Variants in COL25A1 observed in about 807,000 individuals in gnomAD.
The protein encoded by COL25A1 is collagen alpha-1(XXV) chain.
COL25A1 carries 103 observed loss-of-function variants against 128.4 expected under a neutral mutation model. The ratio of observed to expected loss-of-function variants is 0.80; its 90% CI spans 0.68 to 0.94. The LOEUF is 0.94. Ranked by LOEUF, COL25A1 falls within the 40% of genes least tolerant of loss-of-function variation. The probability of loss-of-function intolerance (pLI) is 0.00; values close to 1 mark genes in which losing one functional copy is unlikely to be tolerated. For missense variants in COL25A1, 745 were observed against 840.0 expected (o/e 0.89, Z 1.40); for synonymous variants, 279 against 277.2 (o/e 1.01, Z -0.06).
chr4:109,027,440 T>A (rs1179507630), intron 5 of COL25A1, among the ~76,000 whole-genome samples: 1 of 107,318 alleles, frequency 9.3e-6, no homozygotes, highest in African/African-American at 5.9e-5. Context: ...AGGGAGGAGA[T>A]CAGAGAGACT....
At chr4:108,961,916 A>G (rs1750754149) in intron 8 of COL25A1, among the ~76,000 whole-genome samples, 2 of 152,206 alleles carry the variant, frequency 1.3e-5, no homozygotes, top group African/African-American at 4.8e-5. Flanking sequence ...AACTGAATGT[A>G]TTCTTAATTA....
At chr4:109,024,417 T>A (rs1443737745) in intron 5 of COL25A1, among the ~76,000 whole-genome samples, 1 of 152,124 alleles carries the variant, frequency 6.6e-6, no homozygotes, top group African/African-American at 2.4e-5. Context: ...TTATATATTT[T>A]CTAGGACATA....
chr4:108,854,112 C>A (rs1371370767), intron 24 of COL25A1: 1 of 152,068 alleles, frequency 6.6e-6, no homozygotes, highest in Non-Finnish European at 1.5e-5. Flanking sequence ...AAACAAGCAA[C>A]GTGGAAAGGA....
chr4:109,150,111 G>A (rs953219014), intron 3 of COL25A1, among the ~76,000 whole-genome samples: 1 of 151,848 alleles, frequency 6.6e-6, no homozygotes. Context: ...GTGTGAACAT[G>A]TGATAGTCTG....
At chr4:108,882,282 G>A (rs574057367) in intron 19 of COL25A1, among the ~76,000 whole-genome samples, 36 of 149,590 alleles carry the variant, frequency 2.4e-4, no homozygotes, top group Non-Finnish European at 3.8e-4. Flanking sequence ...TGCCTTTGGA[G>A]GGAGATAATC....
chr4:108,947,391 G>A (rs955397199), intron 8 of COL25A1, among the ~76,000 whole-genome samples: 4 of 151,040 alleles, frequency 2.6e-5, no homozygotes, highest in South Asian at 2.1e-4. Context: ...GCAGTGAGCC[G>A]AAATAGTGCT....
chr4:109,160,576 C>T (rs986997424), intron 3 of COL25A1, among the ~76,000 whole-genome samples: 2 of 152,168 alleles, frequency 1.3e-5, no homozygotes, highest in African/African-American at 2.4e-5. Context: ...GCCACTACTA[C>T]CTACAAGATG....
intron 30 of COL25A1, among the ~76,000 whole-genome samples, chr4:108,843,782 T>C (rs1734742799): frequency 6.6e-6 from 1 of 152,238 alleles, no homozygotes; most frequent in Non-Finnish European, 1.5e-5. Context: ...TTTATGGATA[T>C]AGTGTGATAT....
At chr4:109,220,570 T>C (rs769838702) in intron 3 of COL25A1, among the ~76,000 whole-genome samples, 4 of 152,206 alleles carry the variant, frequency 2.6e-5, no homozygotes, top group Non-Finnish European at 5.9e-5. Flanking sequence ...ATGTTTAATA[T>C]TGTATACATA....
At chr4:108,955,384 GA>G (rs930646228) in intron 8 of COL25A1, among the ~76,000 whole-genome samples, 8 of 150,512 alleles carry the variant, frequency 5.3e-5, no homozygotes, top group Non-Finnish European at 1.2e-4. Flanking sequence ...ATTTGACTAA[GA>G]AAAAAAAAGA....
At chr4:109,139,965 T>C (rs537657903) in intron 3 of COL25A1, among the ~76,000 whole-genome samples, 1 of 152,270 alleles carries the variant, frequency 6.6e-6, no homozygotes, top group East Asian at 1.9e-4. Flanking sequence ...AGAATGATGG[T>C]TTCCAGCTTC....
intron 5 of COL25A1, among the ~76,000 whole-genome samples, chr4:109,027,221 G>T (rs13152011): frequency 0.46 from 70,368 of 151,992 alleles, 19,003 homozygotes; most frequent in Non-Finnish European, 0.62. Context: ...AGTACATGAG[G>T]ATAAGGAGGC....
At chr4:109,266,626 T>C (rs995238916) in intron 3 of COL25A1, among the ~76,000 whole-genome samples, 1 of 152,108 alleles carries the variant, frequency 6.6e-6, no homozygotes, top group Non-Finnish European at 1.5e-5. Context: ...GACCTCAGTT[T>C]GTAATGTTTA....
chr4:109,086,446 A>G (rs1383218139), intron 3 of COL25A1, among the ~76,000 whole-genome samples: 1 of 152,202 alleles, frequency 6.6e-6, no homozygotes, highest in East Asian at 1.9e-4. Context: ...CCTCCCCTAA[A>G]GGATTATTTT....
At chr4:108,874,154 A>G (rs1739148923) in intron 19 of COL25A1, among the ~76,000 whole-genome samples, 1 of 152,228 alleles carries the variant, frequency 6.6e-6, no homozygotes, top group Admixed American at 6.5e-5. Context: ...AAGCAGCTGA[A>G]GTACGATTCA....
At chr4:109,119,033 G>A (rs554995887) in intron 3 of COL25A1, among the ~76,000 whole-genome samples, 1 of 151,806 alleles carries the variant, frequency 6.6e-6, no homozygotes, top group East Asian at 1.9e-4. Context: ...AGATAACAAT[G>A]GAATGAAACT....
At chr4:108,985,494 A>G (rs138414849) in intron 6 of COL25A1, among the ~76,000 whole-genome samples, 29 of 152,348 alleles carry the variant, frequency 1.9e-4, no homozygotes, top group African/African-American at 6.3e-4. Flanking sequence ...GTAGCAGAAT[A>G]GACGTCATAT....
At chr4:109,008,162 T>A (rs1756218644) in intron 6 of COL25A1, among the ~76,000 whole-genome samples, 1 of 152,208 alleles carries the variant, frequency 6.6e-6, no homozygotes, top group Admixed American at 6.5e-5. Flanking sequence ...GTCCCATATG[T>A]CCCTCTGGCT....
rs189419417 is a variant in COL25A1, at chr4:109,062,074, C to T, written c.368-11895G>A. Among the ~76,000 whole-genome samples, 632 of 152,210 alleles carry T rather than the reference C, an allele frequency of 4.2e-3. 2 individuals are homozygous for T. In the Middle Eastern group the frequency reaches 0.044, roughly 11 times the overall value. On this transcript the variant is annotated intron_variant, in intron 3 of 37. Transcript: ENST00000399132. ...CCTTAAGTAATAAAGAAAACATACA[C>T]CAAAATTTTATTGGCTTTCCATCTG...
Sources: allele counts gnomAD v4.1 joint callset (sites outside exome capture counted in the v4.1 genomes callset), GRCh38; gene constraint gnomAD v4.1.1; transcripts MANE v1.5; gene names NCBI Gene and HGNC (gene_info 2026-07-23, HGNC 2026-07-21).